Variants in EXTL3 observed in about 807,000 individuals in gnomAD.
EXTL3 encodes exostosin-like 3.
A neutral mutation model predicts 69.3 loss-of-function variants in EXTL3; 27 were observed. The ratio of observed to expected loss-of-function variants is 0.39; its 90% CI spans 0.29 to 0.54. EXTL3 has a LOEUF of 0.54. Among genes scored for constraint, EXTL3 ranks in the 20% least tolerant of loss-of-function variants. The pLI, the probability that EXTL3 is intolerant of heterozygous loss-of-function variation, is 0.69. For synonymous variants in EXTL3, 511 were observed against 499.4 expected (o/e 1.02, Z -0.31); for missense variants, 1,003 against 1,231.8 (o/e 0.81, Z 2.78).
chr8:28,724,975 C>T (rs1450165073), intron 3 of EXTL3, among the ~76,000 whole-genome samples: 1 of 152,140 alleles, frequency 6.6e-6, no homozygotes, highest in African/African-American at 2.4e-5. Context: ...TTCCTCATTC[C>T]TGAGTTCTCT....
At chr8:28,668,484 C>T (rs867222138) in intron 1 of EXTL3, among the ~76,000 whole-genome samples, 6 of 151,774 alleles carry the variant, frequency 4.0e-5, no homozygotes, top group African/African-American at 1.4e-4. Flanking sequence ...GCCACAGTGC[C>T]CACCACCATG....
Position 28,724,379 on chromosome 8 carries a change from C to A in EXTL3, c.2148+6172C>A, listed in dbSNP as rs10104500. ...CCTGTGTAAAGTTATAAATGGAAAA[C>A]CAATGCACTGTTACCTTCTTATTCT... On this transcript the variant is annotated intron_variant, in intron 3 of 6. Coordinates refer to ENST00000220562, the MANE Select transcript of EXTL3 (RefSeq NM_001440.4). 9.7e-3 allele frequency among the ~76,000 whole-genome samples: 1,472 copies of A among 152,232 alleles called. 21 individuals carry two copies. Among genetic ancestry groups the A allele is most frequent in the African/African-American group, 0.033 (1,372 of 41,532 alleles).
At chr8:28,701,741 C>G (rs529744907) in intron 1 of EXTL3, 82 bp downstream of exon 1, 1 of 152,994 alleles carries the variant, frequency 6.5e-6, no homozygotes. Context: ...GGGCTGGCCC[C>G]GAGCGCTGGG....
At chr8:28,616,262 G>A (rs760581767) in intron 2 of EXTL3, among the ~76,000 whole-genome samples, 6 of 151,790 alleles carry the variant, frequency 4.0e-5, no homozygotes, top group Non-Finnish European at 8.8e-5. Flanking sequence ...AGGGGGTGAG[G>A]AATTAAGAGT....
At chr8:28,687,891 G>A (rs145501904) in intron 1 of EXTL3, among the ~76,000 whole-genome samples, 2 of 152,156 alleles carry the variant, frequency 1.3e-5, no homozygotes, top group Non-Finnish European at 2.9e-5. Context: ...GTGGGATAAC[G>A]AATTTAGGAA....
chr8:28,621,541 A>C (rs1294818244), upstream of EXTL3, among the ~76,000 whole-genome samples: 1 of 152,206 alleles, frequency 6.6e-6, no homozygotes, highest in Admixed American at 6.5e-5. Context: ...ACTCCCTGCT[A>C]AATGTACTTT....
chr8:28,717,463 C>T lies in EXTL3; in HGVS notation c.1404C>T (p.Val468=), dbSNP rs776402015. The change falls in exon 3 of 7, where the codon GTC becomes GTT. Residue 468 remains valine (V), a synonymous_variant. Coordinates refer to ENST00000220562, the MANE Select transcript of EXTL3 (RefSeq NM_001440.4). This position sits in a 1 kb window ranked among gnomAD's most constrained non-coding sequence, Gnocchi z 8.3. ...GAVPVVLGEQ[V]QLPYQDMLQW... The stretch of plus-strand genomic sequence containing the variant: ...TCCCGGTGGTGCTGGGGGAGCAGGT[C>T]CAGCTTCCCTACCAGGACATGCTGC... The T allele has an allele frequency of 1.5e-5, 24 of 1,614,178 alleles. No homozygotes were observed. Among genetic ancestry groups the T allele is most frequent in the Non-Finnish European group, 1.9e-5 (23 of 1,180,044 alleles).
At chr8:28,619,751 G>A (rs2130540136), upstream of EXTL3, among the ~76,000 whole-genome samples, 1 of 146,338 alleles carries the variant, frequency 6.8e-6, no homozygotes, top group Admixed American at 7.0e-5. Flanking sequence ...CAGTATTACA[G>A]CACAGGCATC....
chr8:28,745,535 G>A (rs1210638524), intron 6 of EXTL3, among the ~76,000 whole-genome samples: 1 of 152,194 alleles, frequency 6.6e-6, no homozygotes, highest in Non-Finnish European at 1.5e-5. Flanking sequence ...AAAGGTTTTA[G>A]AAAGCAATTA....
chr8:28,711,158 G>T (rs1290247424), intron 1 of EXTL3, among the ~76,000 whole-genome samples: 1 of 152,132 alleles, frequency 6.6e-6, no homozygotes, highest in Non-Finnish European at 1.5e-5. Context: ...GTTGTTTGTA[G>T]CCTGCAGGGA....
chr8:28,672,197 C>T (rs968074021), intron 1 of EXTL3, among the ~76,000 whole-genome samples: 24 of 151,988 alleles, frequency 1.6e-4, no homozygotes, highest in African/African-American at 5.8e-4. Context: ...GGGTGGATCA[C>T]GTGAGGTCAG....
chr8:28,636,585 A>T (rs2130573969), intron 1 of EXTL3, among the ~76,000 whole-genome samples: 1 of 152,312 alleles, frequency 6.6e-6, no homozygotes, highest in South Asian at 2.1e-4. Flanking sequence ...TTTATCTTAC[A>T]AGCACAGTTT....
chr8:28,644,557 G>A (rs1202299537), intron 1 of EXTL3, among the ~76,000 whole-genome samples: 1 of 152,136 alleles, frequency 6.6e-6, no homozygotes, highest in Non-Finnish European at 1.5e-5. Flanking sequence ...AAATTAGCCA[G>A]GCACAGTGGT....
intron 1 of EXTL3, among the ~76,000 whole-genome samples, chr8:28,694,551 AC>A (rs1333614132): frequency 6.6e-6 from 1 of 152,174 alleles, no homozygotes; most frequent in East Asian, 1.9e-4. Flanking sequence ...AGGGTCCAAA[AC>A]CTGGCACCAC....
At chr8:28,671,280 C>A (rs1365899725) in intron 1 of EXTL3, among the ~76,000 whole-genome samples, 3 of 149,058 alleles carry the variant, frequency 2.0e-5, no homozygotes, top group African/African-American at 7.4e-5. Flanking sequence ...CTGTGCCTGG[C>A]CTAATTTTAT....
intron 6 of EXTL3, among the ~76,000 whole-genome samples, chr8:28,744,792 C>CAA (rs56932280): frequency 0.022 from 2,965 of 137,576 alleles, 120 homozygotes; most frequent in African/African-American, 0.075. Context: ...GACTCCATCT[C>CAA]AAAAAAAAAA....
At chr8:28,730,891 C>A (rs538414755) in intron 3 of EXTL3, among the ~76,000 whole-genome samples, 1 of 152,156 alleles carries the variant, frequency 6.6e-6, no homozygotes, top group African/African-American at 2.4e-5. Context: ...AATCTCAGAT[C>A]CACTCTGCCA....
chr8:28,640,337 CTT>C (rs1308217922), intron 1 of EXTL3, among the ~76,000 whole-genome samples: 1 of 152,078 alleles, frequency 6.6e-6, no homozygotes, highest in East Asian at 1.9e-4. Flanking sequence ...AATATCTATT[CTT>C]TCTCTTTATT....
upstream of EXTL3, among the ~76,000 whole-genome samples, chr8:28,619,089 C>T (rs1478137357): frequency 8.2e-4 from 34 of 41,490 alleles, 1 homozygote; most frequent in African/African-American, 3.3e-3. Flanking sequence ...GAGACTCCGT[C>T]TCAAAAAAAA....
Sources: allele counts gnomAD v4.1 joint callset (sites outside exome capture counted in the v4.1 genomes callset), GRCh38; gene constraint gnomAD v4.1.1; non-coding constraint Gnocchi (gnomAD v3.1); transcripts MANE v1.5; gene names NCBI Gene and HGNC (gene_info 2026-07-23, HGNC 2026-07-21).